The following PSMA1 variants were observed in gnomAD, a reference collection of about 807,000 sequenced individuals.
PSMA1 encodes proteasome 20S subunit alpha 1.
In PSMA1, 3 loss-of-function variants were observed where a neutral mutation model predicts 38.4. The ratio of observed to expected loss-of-function variants is 0.08; its 90% confidence interval spans 0.04 to 0.20. PSMA1 has a LOEUF of 0.20. Among genes scored for constraint, PSMA1 ranks in the 10% least tolerant of loss-of-function variants. PSMA1 has a pLI of 1.00. For synonymous variants in PSMA1, 101 were observed against 107.1 expected, an observed-to-expected ratio of 0.94 and a Z score of 0.35; for missense variants, 227 against 325.3, an observed-to-expected ratio of 0.70 and a Z score of 2.32.
intron 1 of PSMA1, among the ~76,000 whole-genome samples, chr11:14,625,226 ATCAC>A (rs1311684742): frequency 1.3e-5 from 2 of 152,238 alleles, no homozygotes; most frequent in Non-Finnish European, 2.9e-5. Flanking sequence ...AGGCAGGCAG[ATCAC>A]CTGAAGTCAG....
chr11:14,592,372 C>CTATA (rs1328956448), intron 2 of PSMA1, among the ~76,000 whole-genome samples: 86 of 111,524 alleles, frequency 7.7e-4, no homozygotes, highest in Admixed American at 3.7e-3. Context: ...CTCTCTCTCT[C>CTATA]TCTCTATATA....
chr11:14,633,114 T>C (rs1358803693), intron 1 of PSMA1, among the ~76,000 whole-genome samples: 3 of 152,206 alleles, frequency 2.0e-5, no homozygotes, highest in Non-Finnish European at 4.4e-5. Flanking sequence ...AATTTGATCA[T>C]CTGAAGCCTT....
chr11:14,550,078 G>A (rs879388511), intron 2 of PSMA1, among the ~76,000 whole-genome samples: 14 of 152,146 alleles, frequency 9.2e-5, no homozygotes, highest in Admixed American at 9.2e-4. Context: ...AGATGCAATG[G>A]AGACCATATG....
intron 2 of PSMA1, among the ~76,000 whole-genome samples, chr11:14,551,978 A>G (rs1441229459): frequency 6.6e-6 from 1 of 152,238 alleles, no homozygotes; most frequent in Non-Finnish European, 1.5e-5. Context: ...TATAATAAGA[A>G]TGTTGGCAGG....
intron 1 of PSMA1, among the ~76,000 whole-genome samples, chr11:14,642,057 A>G (rs1007232828): frequency 2.0e-5 from 3 of 152,162 alleles, no homozygotes; most frequent in Admixed American, 2.0e-4. Context: ...TCACGTGCCA[A>G]TCCTACTTTA....
chr11:14,560,781 A>T (rs936664537), intron 2 of PSMA1, among the ~76,000 whole-genome samples: 1 of 152,212 alleles, frequency 6.6e-6, no homozygotes, highest in East Asian at 1.9e-4. Context: ...TTTGCAGGGT[A>T]TCACCTATAA....
At chr11:14,595,977 C>T (rs1852486830) in intron 2 of PSMA1, among the ~76,000 whole-genome samples, 3 of 152,180 alleles carry the variant, frequency 2.0e-5, no homozygotes, top group Admixed American at 1.3e-4. Context: ...CCAGTTTTCC[C>T]AGCACCATTT....
intron 2 of PSMA1, among the ~76,000 whole-genome samples, chr11:14,590,783 G>A (rs1216414596): frequency 6.6e-6 from 1 of 152,184 alleles, no homozygotes; most frequent in Admixed American, 6.5e-5. Flanking sequence ...CCCGAGACCC[G>A]CACGCCCAGA....
chr11:14,634,469 A>T (rs1439603646), intron 1 of PSMA1, among the ~76,000 whole-genome samples: 1 of 152,114 alleles, frequency 6.6e-6, no homozygotes, highest in Non-Finnish European at 1.5e-5. Context: ...TTTGAAGGCG[A>T]AGATTCCACT....
chr11:14,592,371 T>TCTCTCC (rs1852429494), intron 2 of PSMA1, among the ~76,000 whole-genome samples: 1 of 110,940 alleles, frequency 9.0e-6, no homozygotes. Context: ...TCTCTCTCTC[T>TCTCTCC]CTCTCTATAT....
intron 1 of PSMA1, among the ~76,000 whole-genome samples, chr11:14,640,258 G>GT (rs953397763): frequency 1.1e-4 from 17 of 152,130 alleles, no homozygotes; most frequent in African/African-American, 4.1e-4. Context: ...AAGGAAGACT[G>GT]TAAGAGAGAG....
Position 14,513,617 on chromosome 11 carries a change from T to G in PSMA1, c.497A>C (p.Gln166Pro). Residue 166 changes from glutamine (Q) to proline (P), a missense_variant, in exon 7 of 10, where the codon CAA becomes CCA. By Grantham distance (76) the Gln-to-Pro change is moderately conservative. Transcript: ENST00000396394. ...CRAMSIGARS[Q>P]SARTYLERHM... is the part of the protein sequence containing the mutation. ...TCTCTCCAAGTAAGTACGAGCTGAT[T>G]GGGAACGGGCTCCAATGGACATGGC... The G allele has an allele frequency of 6.3e-7, 1 of 1,590,844 alleles. No homozygotes were observed.
chr11:14,578,842 A>G (rs1186362288), intron 2 of PSMA1, among the ~76,000 whole-genome samples: 1 of 152,132 alleles, frequency 6.6e-6, no homozygotes, highest in African/African-American at 2.4e-5. Context: ...CTCCTGGGAG[A>G]GCTTGTTTCA....
chr11:14,505,041 T>C lies in PSMA1; in HGVS notation c.*151A>G. The stretch of plus-strand genomic sequence containing the variant: ...TCCATTATATAGGTTTCAGTGAGGT[T>C]GCTTGGAAAAAACTCACATCTGGAC... On this transcript the variant is annotated 3_prime_UTR_variant, in exon 10 of 10. Coordinates refer to ENST00000396394, the MANE Select transcript of PSMA1 (RefSeq NM_002786.4). 4.2e-6 allele frequency: 3 copies of C among 707,854 alleles called. No individual in the cohort carries two copies. The highest frequency in any genetic ancestry group is 7.5e-6 in the Non-Finnish European group (3 of 397,374). 43.8% of individuals were successfully genotyped at this position (707,854 alleles called of 1,614,324 possible).
chr11:14,613,100 G>A (rs949610836), intron 1 of PSMA1, among the ~76,000 whole-genome samples: 21 of 151,996 alleles, frequency 1.4e-4, no homozygotes, highest in Middle Eastern at 3.4e-3. Flanking sequence ...TTGAATAGAG[G>A]ATTTTAACAA....
chr11:14,531,544 C>T (rs942053333), intron 2 of PSMA1, among the ~76,000 whole-genome samples: 1 of 152,142 alleles, frequency 6.6e-6, no homozygotes, highest in African/African-American at 2.4e-5. Context: ...CTCACCGTAG[C>T]CTCGACCTCC....
Position 14,517,543 on chromosome 11 carries a change from T to C in PSMA1, c.254+99A>G, listed in dbSNP as rs1337674320. On this transcript the variant is annotated intron_variant, in intron 4 of 9. Coordinates refer to ENST00000396394, the MANE Select transcript of PSMA1 (RefSeq NM_002786.4). ...TTCATAATCTTAATTTACAAGAACT[T>C]TGGCAGACAACTTCCTAAAATACCT... 3.1e-6 allele frequency: 3 copies of C among 978,772 alleles called. No individual in the cohort carries two copies. In the African/African-American group the frequency reaches 5.1e-5, roughly 17 times the overall value. The allele number at this position is 978,772 out of a possible 1,614,324, so 60.6% of individuals were successfully genotyped here.
intron 1 of PSMA1, among the ~76,000 whole-genome samples, chr11:14,638,531 CTCTCTCTCTCTCTCTATATATATATATA>C (rs1235146267): frequency 6.9e-3 from 199 of 28,888 alleles, no homozygotes; most frequent in Non-Finnish European, 0.011. Context: ...CTCTCTCTCT[CTCTCTCTCTCTCTCTATATATATATATA>C]TATATATATA....
rs553358022 is a variant in PSMA1 at position 14,520,046 on chromosome 11, C to G, written c.3+251G>C. 1.0e-3 allele frequency: 627 copies of G among 604,740 alleles called. 1 individual carries two copies. The highest frequency in any genetic ancestry group is 2.2e-3 in the South Asian group (110 of 50,480). The allele number at this position is 604,740 out of a possible 1,614,324, so 37.5% of individuals were successfully genotyped here. ...GAAGGAACCTGAGGGGCGAACTCAT[C>G]TAGCTGACCGAGGAGGAAGTGTCGG... is the stretch of plus-strand genomic sequence containing the variant. On this transcript the variant is annotated intron_variant, in intron 1 of 9. Coordinates refer to ENST00000396394, the MANE Select transcript of PSMA1 (RefSeq NM_002786.4).
Sources: allele counts gnomAD v4.1 joint callset (sites outside exome capture counted in the v4.1 genomes callset), GRCh38; gene constraint gnomAD v4.1.1; transcripts MANE v1.5; gene names NCBI Gene and HGNC (gene_info 2026-07-23, HGNC 2026-07-21).